CACNA1B: variants seen among roughly 807,000 people sequenced by gnomAD.
CACNA1B encodes the protein voltage-dependent N-type calcium channel subunit alpha-1B.
Under a neutral mutation model 247.2 loss-of-function variants are expected in CACNA1B, and 70 were observed. The ratio of observed to expected loss-of-function variants is 0.28; its 90% CI spans 0.23 to 0.35. The LOEUF is 0.35. Among genes scored for constraint, CACNA1B ranks in the 10% least tolerant of loss-of-function variants. The pLI is 1.00. For missense variants in CACNA1B, 2,367 were observed against 3,197.4 expected (o/e 0.74, Z 6.26); for synonymous variants, 1,231 against 1,294.4 (o/e 0.95, Z 1.05).
intron 20 of CACNA1B, among the ~76,000 whole-genome samples, chr9:138,030,599 T>C (rs529585792): frequency 6.6e-6 from 1 of 152,316 alleles, no homozygotes; most frequent in Admixed American, 6.5e-5. Context: ...ATTCATAAAA[T>C]GTTTTGAATT....
rs116463690 is a variant in CACNA1B, at chr9:137,896,682, C to T, written c.530+13799C>T. On this transcript the variant is annotated intron_variant, in intron 3 of 46. Transcript: ENST00000371372. The stretch of plus-strand genomic sequence containing the variant: ...TCTCCCTCTTCTATTTTCTAAAAGC[C>T]GTTGTGTGAAAACGGAATTAGTTCT... Among the ~76,000 whole-genome samples, 401 of 152,246 alleles carry T rather than the reference C, an allele frequency of 2.6e-3. 1 individual carries two copies. Among genetic ancestry groups the T allele is most frequent in the African/African-American group, 8.5e-3 (355 of 41,532 alleles).
intron 6 of CACNA1B, among the ~76,000 whole-genome samples, chr9:137,931,128 A>G (rs1213576080): frequency 1.3e-5 from 2 of 152,162 alleles, no homozygotes; most frequent in African/African-American, 4.8e-5. Context: ...GGCGGTTTGA[A>G]CAAAGAATTG....
chr9:137,910,004 C>G (rs910066059), intron 3 of CACNA1B, among the ~76,000 whole-genome samples: 40 of 152,132 alleles, frequency 2.6e-4, no homozygotes, highest in South Asian at 2.1e-4. Flanking sequence ...CTTCTGACCT[C>G]AGGTGATCTG....
intron 3 of CACNA1B, among the ~76,000 whole-genome samples, chr9:137,893,735 T>C (rs1350793222): frequency 2.6e-5 from 4 of 152,166 alleles, no homozygotes; most frequent in Admixed American, 1.3e-4. Context: ...TAGGCAGTTG[T>C]AATAAATGGT....
intron 21 of CACNA1B, among the ~76,000 whole-genome samples, chr9:138,046,343 C>T (rs924785779): frequency 1.3e-5 from 2 of 152,218 alleles, no homozygotes; most frequent in African/African-American, 4.8e-5. Flanking sequence ...TCACGTGGAG[C>T]GTGTTCACAT....
intron 21 of CACNA1B, among the ~76,000 whole-genome samples, chr9:138,046,291 G>A (rs909864809): frequency 3.3e-5 from 5 of 152,208 alleles, no homozygotes; most frequent in African/African-American, 9.6e-5. Flanking sequence ...AGCAAAAGGC[G>A]AGCACGTGGC....
At chr9:138,116,138 C>A (rs756364396) in intron 42 of CACNA1B, among the ~76,000 whole-genome samples, 1 of 152,242 alleles carries the variant, frequency 6.6e-6, no homozygotes, top group Non-Finnish European at 1.5e-5. Context: ...ATCGGCCCTC[C>A]GTGCCAGCAG....
rs1450795840 is a variant in CACNA1B, at chr9:137,914,943, C to T, written c.775+137C>T. 10 of 810,218 alleles carry T rather than the reference C, an allele frequency of 1.2e-5. No individual in the cohort carries two copies. In the Admixed American group the frequency reaches 3.0e-4, roughly 24 times the overall value. 50.2% of individuals were successfully genotyped at this position (810,218 alleles called of 1,614,324 possible). Reference sequence around the variant, plus strand: ...GTGGAGCTGACATTCTAGTGGGGGACATAGACGATAGCCTGATAAACACAA... The same window carrying T: ...GTGGAGCTGACATTCTAGTGGGGGATATAGACGATAGCCTGATAAACACAA... On this transcript the variant is annotated intron_variant, in intron 5 of 46. Coordinates refer to ENST00000371372, the MANE Select transcript of CACNA1B (RefSeq NM_000718.4). This position sits in a 1 kb window ranked among gnomAD's most constrained non-coding sequence, Gnocchi z 4.3.
chr9:138,116,678 A>G (rs1316912261), intron 42 of CACNA1B, among the ~76,000 whole-genome samples: 2 of 152,344 alleles, frequency 1.3e-5, no homozygotes, highest in East Asian at 3.9e-4. Context: ...GCACCCACTC[A>G]GACTGGGTCT....
At chr9:137,991,973 C>G (rs911299581) in intron 15 of CACNA1B, among the ~76,000 whole-genome samples, 2 of 151,898 alleles carry the variant, frequency 1.3e-5, no homozygotes, top group African/African-American at 4.8e-5. Context: ...CGAAATACAC[C>G]AAAATAGAAC....
intron 10 of CACNA1B, among the ~76,000 whole-genome samples, chr9:137,969,190 G>C: frequency 6.6e-6 from 1 of 152,238 alleles, no homozygotes; most frequent in East Asian, 1.9e-4. Flanking sequence ...CCCCCAGGGC[G>C]TCTGGATCAG....
At chr9:138,044,996 A>G (rs1959170422) in intron 21 of CACNA1B, among the ~76,000 whole-genome samples, 1 of 152,250 alleles carries the variant, frequency 6.6e-6, no homozygotes, top group African/African-American at 2.4e-5. Flanking sequence ...AAATGGAAAC[A>G]CAGGAAGGCA....
intron 20 of CACNA1B, 39 bp from the exon 21 acceptor site, chr9:138,043,735 G>A (rs1564255033): frequency 1.9e-6 from 3 of 1,612,982 alleles, no homozygotes; most frequent in East Asian, 2.2e-5. Flanking sequence ...GGCTTCATGT[G>A]CACTACACCC....
In CACNA1B at chr9:137,919,350, G is replaced by A. The variant is rs1386166972; in HGVS notation, c.966+1919G>A. Among the ~76,000 whole-genome samples the A allele has an allele frequency of 6.6e-6, 1 of 152,250 alleles. No homozygotes were observed. Among genetic ancestry groups the A allele is most frequent in the Non-Finnish European group, 1.5e-5 (1 of 68,048 alleles). On this transcript the variant is annotated intron_variant, in intron 6 of 46. Transcript: ENST00000371372. The surrounding 1 kb of genome is among the most constrained non-coding windows in gnomAD (Gnocchi z 4.6). ...GGAGCAGGCAGTGACGAGGTACAGG[G>A]TACTGGGAGGGCAAGGCCTGGTGAG...
intron 20 of CACNA1B, among the ~76,000 whole-genome samples, chr9:138,036,064 A>G (rs908377797): frequency 6.6e-5 from 10 of 151,240 alleles, no homozygotes; most frequent in African/African-American, 2.4e-4. Flanking sequence ...TTCATATTTC[A>G]TCACTCCTTA....
intron 3 of CACNA1B, among the ~76,000 whole-genome samples, chr9:137,909,443 C>T (rs1554924601): frequency 2.0e-5 from 3 of 152,162 alleles, no homozygotes; most frequent in Non-Finnish European, 4.4e-5. Flanking sequence ...TAAGTGGGAG[C>T]GTATGTTATT....
chr9:138,111,557 C>T (rs183837680), intron 39 of CACNA1B, among the ~76,000 whole-genome samples: 34 of 152,296 alleles, frequency 2.2e-4, no homozygotes, highest in East Asian at 3.9e-4. Flanking sequence ...CACACCTTGA[C>T]GGTGCTGCTA....
intron 36 of CACNA1B, among the ~76,000 whole-genome samples, chr9:138,087,513 G>A (rs1960736557): frequency 7.0e-6 from 1 of 143,348 alleles, no homozygotes; most frequent in African/African-American, 2.7e-5. Flanking sequence ...TCAAGAGATC[G>A]ACACCATCCT....
At chr9:137,978,476 T>C (rs1417073012) in intron 12 of CACNA1B, among the ~76,000 whole-genome samples, 2 of 141,832 alleles carry the variant, frequency 1.4e-5, no homozygotes, top group African/African-American at 5.3e-5. Context: ...CACTACCCCT[T>C]CCATGAAGGA....
Sources: allele counts gnomAD v4.1 joint callset (sites outside exome capture counted in the v4.1 genomes callset), GRCh38; gene constraint gnomAD v4.1.1; non-coding constraint Gnocchi (gnomAD v3.1); transcripts MANE v1.5; gene names NCBI Gene and HGNC (gene_info 2026-07-23, HGNC 2026-07-21).